Variants in IMMP2L observed in about 807,000 individuals in gnomAD.
IMMP2L encodes the protein mitochondrial inner membrane protease subunit 2.
Under a neutral mutation model 19.3 loss-of-function variants are expected in IMMP2L, and 18 were observed. The ratio of observed to expected loss-of-function variants is 0.93; its 90% confidence interval spans 0.64 to 1.38. The LOEUF (loss-of-function observed/expected upper bound fraction) is 1.38. Ranked by LOEUF, IMMP2L falls within the 40% of genes most tolerant of loss-of-function variation. IMMP2L has a pLI of 0.00. For synonymous variants in IMMP2L, 76 were observed against 73.0 expected (o/e 1.04, Z -0.21); for missense variants, 233 against 218.2 (o/e 1.07, Z -0.43).
chr7:111,387,975 T>TAAAAAAAAAAAAAAAAAAA (rs750267136), intron 3 of IMMP2L, among the ~76,000 whole-genome samples: 8 of 93,406 alleles, frequency 8.6e-5, no homozygotes, highest in African/African-American at 3.7e-4. Flanking sequence ...ACTCTGTCTT[T>TAAAAAAAAAAAAAAAAAAA]AAAAAAAAAA....
intron 5 of IMMP2L, among the ~76,000 whole-genome samples, chr7:110,855,932 C>A (rs868803558): frequency 6.6e-6 from 1 of 151,950 alleles, no homozygotes; most frequent in Non-Finnish European, 1.5e-5. Flanking sequence ...CACTAATAAT[C>A]AATCTACTCA....
chr7:111,219,720 G>C (rs1812320245), intron 3 of IMMP2L, among the ~76,000 whole-genome samples: 1 of 151,948 alleles, frequency 6.6e-6, no homozygotes, highest in African/African-American at 2.4e-5. Flanking sequence ...AAATTCAACT[G>C]CAATAATTAA....
At chr7:111,146,383 CT>C (rs1367332969) in intron 3 of IMMP2L, among the ~76,000 whole-genome samples, 1 of 151,948 alleles carries the variant, frequency 6.6e-6, no homozygotes, top group Non-Finnish European at 1.5e-5. Flanking sequence ...TCAAGAATGT[CT>C]TCTCAAATCC....
At chr7:111,488,991 TTG>T (rs1842876203) in intron 2 of IMMP2L, among the ~76,000 whole-genome samples, 1 of 151,974 alleles carries the variant, frequency 6.6e-6, no homozygotes, top group Non-Finnish European at 1.5e-5. Context: ...TATTGGCCAT[TTG>T]TGTATCTTCT....
At chr7:111,408,614 T>C (rs76467183) in intron 3 of IMMP2L, among the ~76,000 whole-genome samples, 1 of 151,752 alleles carries the variant, frequency 6.6e-6, no homozygotes, top group Admixed American at 6.6e-5. Context: ...CTTTTTCATA[T>C]GAAAGTTCAG....
chr7:110,883,278 CTGTT>C (rs547980680), intron 5 of IMMP2L, among the ~76,000 whole-genome samples: 100 of 152,212 alleles, frequency 6.6e-4, no homozygotes, highest in Admixed American at 1.8e-3. Flanking sequence ...CCACAGTTGT[CTGTT>C]TATCATCACT....
At chr7:111,327,357 A>G (rs1825429215) in intron 3 of IMMP2L, among the ~76,000 whole-genome samples, 2 of 151,744 alleles carry the variant, frequency 1.3e-5, no homozygotes, top group Admixed American at 1.3e-4. Flanking sequence ...AACCTGCTTT[A>G]TGAGTGTTCA....
chr7:110,907,202 CT>C (rs1375487140), intron 4 of IMMP2L, among the ~76,000 whole-genome samples: 1 of 152,152 alleles, frequency 6.6e-6, no homozygotes, highest in African/African-American at 2.4e-5. Flanking sequence ...TGCGCCCACA[CT>C]TACGGCACCC....
intron 2 of IMMP2L, among the ~76,000 whole-genome samples, chr7:111,503,188 A>G (rs953474044): frequency 2.0e-5 from 3 of 152,182 alleles, no homozygotes; most frequent in African/African-American, 4.8e-5. Context: ...GAATACTACA[A>G]ACACCTCTAC....
intron 5 of IMMP2L, among the ~76,000 whole-genome samples, chr7:110,718,317 T>C (rs1216042768): frequency 6.6e-6 from 1 of 152,142 alleles, no homozygotes; most frequent in Non-Finnish European, 1.5e-5. Flanking sequence ...AGAAGTGAAG[T>C]AGGAATTCTG....
intron 3 of IMMP2L, among the ~76,000 whole-genome samples, chr7:111,050,769 C>A (rs938675608): frequency 6.6e-6 from 1 of 152,168 alleles, no homozygotes; most frequent in Non-Finnish European, 1.5e-5. Flanking sequence ...CACATCTTTT[C>A]AAAAGTTACG....
intron 5 of IMMP2L, among the ~76,000 whole-genome samples, chr7:110,836,340 C>A (rs978856630): frequency 6.6e-6 from 1 of 152,138 alleles, no homozygotes; most frequent in African/African-American, 2.4e-5. Flanking sequence ...TGTCCCCACA[C>A]AAATCTCATC....
chr7:110,783,000 G>A (rs1454694917), intron 5 of IMMP2L, among the ~76,000 whole-genome samples: 1 of 151,898 alleles, frequency 6.6e-6, no homozygotes, highest in Admixed American at 6.6e-5. Flanking sequence ...AGAGGAATAA[G>A]TAAGGGATTA....
chr7:110,861,121 GAGAGAGAGACAGAGAC>G (rs71151812), intron 5 of IMMP2L, among the ~76,000 whole-genome samples: 33,503 of 135,994 alleles, frequency 0.25, 4,499 homozygotes, highest in East Asian at 0.52. Context: ...GAGAGAGAGA[GAGAGAGAGACAGAGAC>G]AGAGAGACAG....
chr7:110,867,896 G>A (rs543923535), intron 5 of IMMP2L, among the ~76,000 whole-genome samples: 5 of 152,076 alleles, frequency 3.3e-5, no homozygotes, highest in South Asian at 2.1e-4. Context: ...GGTTTCTGAT[G>A]CTGACATTTC....
At chr7:110,931,710 C>A (rs1013454383) in intron 4 of IMMP2L, among the ~76,000 whole-genome samples, 1 of 152,134 alleles carries the variant, frequency 6.6e-6, no homozygotes, top group African/African-American at 2.4e-5. Context: ...ATGTCACCTG[C>A]CTGTTTTAAA....
chr7:111,063,072 A>G (rs988355250), intron 3 of IMMP2L, among the ~76,000 whole-genome samples: 3 of 152,210 alleles, frequency 2.0e-5, no homozygotes, highest in Admixed American at 2.0e-4. Context: ...TCCCTTCTGC[A>G]CTGCCCTAGC....
chr7:111,251,553 C>G (rs375615926), intron 3 of IMMP2L, among the ~76,000 whole-genome samples: 1 of 152,134 alleles, frequency 6.6e-6, no homozygotes, highest in Non-Finnish European at 1.5e-5. Flanking sequence ...ACATGGAATA[C>G]TATGCAGCCA....
chr7:111,539,194 GGGAGAAAGAAAGAA>G (rs1848233000), intron 1 of IMMP2L, among the ~76,000 whole-genome samples: 1 of 60,894 alleles, frequency 1.6e-5, no homozygotes, highest in Non-Finnish European at 3.1e-5. Context: ...GAAGGAAGGA[GGGAGAAAGAAAGAA>G]AGAAAGAAAG....
Sources: gnomAD v4.1 joint callset for allele counts (sites outside exome capture counted in the v4.1 genomes callset) on GRCh38, gnomAD v4.1.1 for gene constraint, MANE v1.5 for transcripts, NCBI Gene and HGNC (gene_info 2026-07-23, HGNC 2026-07-21) for gene names.